Variants in CDK13 observed in about 807,000 individuals in gnomAD.
CDK13 encodes the protein cyclin-dependent kinase 13.
CDK13 carries 40 observed loss-of-function variants against 137.6 expected under a neutral mutation model. The ratio of observed to expected loss-of-function variants is 0.29; its 90% CI spans 0.23 to 0.38. The LOEUF is 0.38. CDK13 is among the 10% of genes least tolerant of loss of function. The pLI is 1.00. For missense variants in CDK13, 1,704 were observed against 1,951.8 expected (o/e 0.87, Z 2.39); for synonymous variants, 869 against 760.1 (o/e 1.14, Z -2.36).
chr7:40,000,065 T>C (rs940870574), intron 4 of CDK13, among the ~76,000 whole-genome samples: 1 of 152,168 alleles, frequency 6.6e-6, no homozygotes, highest in Non-Finnish European at 1.5e-5. Flanking sequence ...CTTTCTTTAC[T>C]CATAACTGCT....
rs1370034759 is a variant in CDK13 at position 39,997,551 on chromosome 7, A to T, written c.1929A>T (p.Arg643=). Residue 643 remains arginine (R), a synonymous_variant, in exon 3 of 14, where the codon CGA becomes CGT. Coordinates refer to ENST00000181839, the MANE Select transcript of CDK13 (RefSeq NM_003718.5). Reference sequence around the variant, plus strand: ...AAAAAGAAGTAGAAAAGAAACTCCGATGTCTTCTTGCTGATTTACCGCTGC... The same window carrying T: ...AAAAAGAAGTAGAAAAGAAACTCCGTTGTCTTCTTGCTGATTTACCGCTGC... ...AVKKEVEKKL[R]CLLADLPLPP... 5 of 1,604,326 alleles carry T rather than the reference A, an allele frequency of 3.1e-6. No individual in the cohort carries two copies. The highest frequency in any genetic ancestry group is 4.2e-6 in the Non-Finnish European group (5 of 1,177,856).
chr7:40,007,656 G>A (rs575009691), intron 5 of CDK13, among the ~76,000 whole-genome samples: 2 of 152,180 alleles, frequency 1.3e-5, no homozygotes, highest in African/African-American at 4.8e-5. Context: ...TTGAACTCTT[G>A]ACCTCAAGTG....
intron 9 of CDK13, among the ~76,000 whole-genome samples, chr7:40,064,744 G>A (rs1034612191): frequency 6.6e-6 from 1 of 150,898 alleles, no homozygotes; most frequent in South Asian, 2.1e-4. Context: ...GAAGGGAAGG[G>A]AAGGAGTTCA....
At chr7:39,976,341 AC>A (rs1784111720) in intron 1 of CDK13, among the ~76,000 whole-genome samples, 1 of 137,736 alleles carries the variant, frequency 7.3e-6, no homozygotes, top group Non-Finnish European at 1.6e-5. Flanking sequence ...ACACACACAC[AC>A]ACACACACAC....
At chr7:40,015,185 G>A (rs1403381) in intron 5 of CDK13, among the ~76,000 whole-genome samples, 81,819 of 152,004 alleles carry the variant, frequency 0.54, 23,846 homozygotes, top group African/African-American at 0.77. Flanking sequence ...TTTAAAGAAC[G>A]TAGAACAGAA....
At chr7:40,003,206 A>ACACTCTCTCTCT (rs374470130) in intron 5 of CDK13, among the ~76,000 whole-genome samples, 33 of 79,896 alleles carry the variant, frequency 4.1e-4, no homozygotes, top group South Asian at 2.5e-3. Context: ...ACACACACAC[A>ACACTCTCTCTCT]CTCTCTCTCT....
chr7:40,091,892 T>C (rs1786932633), intron 12 of CDK13, among the ~76,000 whole-genome samples: 2 of 152,354 alleles, frequency 1.3e-5, no homozygotes, highest in African/African-American at 2.4e-5. Flanking sequence ...TGCAGTCTTA[T>C]AGTTACCATA....
At chr7:39,983,330 C>G (rs1263462167) in intron 1 of CDK13, among the ~76,000 whole-genome samples, 3 of 152,066 alleles carry the variant, frequency 2.0e-5, no homozygotes, top group Non-Finnish European at 4.4e-5. Context: ...ACCATGTTAG[C>G]CAGGATGATC....
intron 12 of CDK13, 46 bp from the exon 13 acceptor site, chr7:40,092,739 G>A (rs1467001483): frequency 7.1e-7 from 1 of 1,414,926 alleles, no homozygotes. Flanking sequence ...GGAGTGGGAG[G>A]AGCTGTGAAT....
intron 2 of CDK13, among the ~76,000 whole-genome samples, chr7:39,994,536 T>C (rs1282569637): frequency 1.3e-5 from 2 of 152,168 alleles, no homozygotes; most frequent in African/African-American, 4.8e-5. Flanking sequence ...CAGACAGTAA[T>C]ATAAAAATGA....
chr7:40,048,081 C>T (rs1785790235), intron 7 of CDK13: 1 of 384,558 alleles, frequency 2.6e-6, no homozygotes, highest in African/African-American at 2.0e-5. Context: ...AAAAATTGAT[C>T]TTCAACAGGT....
At chr7:40,056,311 A>G (rs2150523198) in intron 7 of CDK13, among the ~76,000 whole-genome samples, 1 of 152,252 alleles carries the variant, frequency 6.6e-6, no homozygotes, top group African/African-American at 2.4e-5. Flanking sequence ...GTCTTTTGTC[A>G]TTGTTACCTT....
At chr7:40,032,031 G>A (rs1396527557) in intron 5 of CDK13, among the ~76,000 whole-genome samples, 1 of 151,820 alleles carries the variant, frequency 6.6e-6, no homozygotes, top group Non-Finnish European at 1.5e-5. Flanking sequence ...TTTCTTAGCA[G>A]TGTCTTTTGA....
chr7:40,038,930 G>T (rs577989161), intron 5 of CDK13, among the ~76,000 whole-genome samples: 77 of 152,230 alleles, frequency 5.1e-4, no homozygotes, highest in Non-Finnish European at 1.5e-5. Flanking sequence ...CCCGACCTCA[G>T]GTGATCTGCC....
intron 7 of CDK13, among the ~76,000 whole-genome samples, chr7:40,052,470 C>T (rs564179327): frequency 6.6e-6 from 1 of 152,268 alleles, no homozygotes; most frequent in South Asian, 2.1e-4. Context: ...AGCCACTGTG[C>T]CCAGCCCTGA....
intron 5 of CDK13, among the ~76,000 whole-genome samples, chr7:40,032,198 A>C (rs984238171): frequency 1.3e-5 from 2 of 152,156 alleles, no homozygotes; most frequent in African/African-American, 4.8e-5. Context: ...CTGGGACCAA[A>C]GGCGCATGCC....
chr7:40,002,728 C>G (rs1038557808), intron 5 of CDK13, among the ~76,000 whole-genome samples: 1 of 151,976 alleles, frequency 6.6e-6, no homozygotes, highest in Non-Finnish European at 1.5e-5. Flanking sequence ...AGTTTACTGA[C>G]TGTATTCTGA....
At chr7:40,030,773 G>A (rs569885594) in intron 5 of CDK13, among the ~76,000 whole-genome samples, 9 of 151,980 alleles carry the variant, frequency 5.9e-5, no homozygotes, top group East Asian at 3.9e-4. Flanking sequence ...CATACAATAC[G>A]TAGACTATTC....
At chr7:39,952,781 A>G (rs1032853251) in intron 1 of CDK13, 1 of 152,202 alleles carries the variant, frequency 6.6e-6, no homozygotes, top group Admixed American at 6.5e-5. Flanking sequence ...TAAAAGGTGT[A>G]ATTTAATTTA....
Sources: gnomAD v4.1 joint callset for allele counts (sites outside exome capture counted in the v4.1 genomes callset) on GRCh38, gnomAD v4.1.1 for gene constraint, MANE v1.5 for transcripts, NCBI Gene and HGNC (gene_info 2026-07-23, HGNC 2026-07-21) for gene names.